The following TRAPPC9 variants were observed in gnomAD, a reference collection of about 807,000 sequenced individuals.
The protein encoded by TRAPPC9 is IKK2 binding protein.
In TRAPPC9, 83 loss-of-function variants were observed where a neutral mutation model predicts 124.0. That is an observed-to-expected ratio of 0.67 (90% CI 0.56 to 0.80). TRAPPC9 has a LOEUF of 0.80. Ranked by LOEUF, TRAPPC9 falls within the 30% of genes least tolerant of loss-of-function variation. The pLI, the probability that TRAPPC9 is intolerant of heterozygous loss-of-function variation, is 0.00. For missense variants in TRAPPC9, 1,302 were observed against 1,508.3 expected (o/e 0.86, Z 2.27); for synonymous variants, 638 against 617.5 (o/e 1.03, Z -0.49).
intron 17 of TRAPPC9, among the ~76,000 whole-genome samples, chr8:140,050,778 A>G (rs1342548924): frequency 3.3e-5 from 5 of 152,136 alleles, no homozygotes; most frequent in Admixed American, 3.3e-4. Flanking sequence ...GAAACACCAG[A>G]TGGGAACAAC....
chr8:140,127,217 C>A (rs968266239), intron 17 of TRAPPC9, among the ~76,000 whole-genome samples: 1 of 152,164 alleles, frequency 6.6e-6, no homozygotes, highest in Admixed American at 6.5e-5. Context: ...TTGGAACAAA[C>A]AAGGATCTGG....
At chr8:139,968,292 C>T (rs377406246) in intron 19 of TRAPPC9, among the ~76,000 whole-genome samples, 4 of 152,218 alleles carry the variant, frequency 2.6e-5, no homozygotes, top group African/African-American at 7.2e-5. Flanking sequence ...CCATGTTTAG[C>T]TGCCTATTAT....
intron 13 of TRAPPC9, among the ~76,000 whole-genome samples, chr8:140,284,282 A>C (rs183072339): frequency 3.9e-5 from 6 of 152,356 alleles, no homozygotes; most frequent in Non-Finnish European, 8.8e-5. Context: ...ATATATGTGA[A>C]GGTCCTTGTA....
chr8:140,085,698 T>C (rs890987648), intron 17 of TRAPPC9, among the ~76,000 whole-genome samples: 2 of 152,176 alleles, frequency 1.3e-5, no homozygotes, highest in Non-Finnish European at 2.9e-5. Flanking sequence ...GGGCAAGTCA[T>C]GGACGGCAGC....
intron 9 of TRAPPC9, among the ~76,000 whole-genome samples, chr8:140,346,364 C>A (rs2067349087): frequency 6.6e-6 from 1 of 152,180 alleles, no homozygotes; most frequent in Non-Finnish European, 1.5e-5. Context: ...CAAATACCTG[C>A]AGAAAGGATG....
intron 21 of TRAPPC9, among the ~76,000 whole-genome samples, chr8:139,785,612 C>G (rs1822175663): frequency 6.6e-6 from 1 of 151,202 alleles, no homozygotes. Flanking sequence ...ACCTGCAGTA[C>G]CAGCTACTCG....
intron 21 of TRAPPC9, among the ~76,000 whole-genome samples, chr8:139,845,332 C>T (rs1827004582): frequency 6.6e-6 from 1 of 152,168 alleles, no homozygotes; most frequent in Non-Finnish European, 1.5e-5. Context: ...GCCTGTGCTC[C>T]ACTGCATTCC....
chr8:140,004,398 C>T (rs374507424), intron 18 of TRAPPC9, among the ~76,000 whole-genome samples: 18 of 152,128 alleles, frequency 1.2e-4, no homozygotes, highest in East Asian at 3.8e-4. Context: ...ACAAACATCA[C>T]GATGAGTTTG....
intron 21 of TRAPPC9, among the ~76,000 whole-genome samples, chr8:139,755,740 G>T (rs1432784626): frequency 1.5e-5 from 2 of 137,256 alleles, no homozygotes; most frequent in African/African-American, 5.6e-5. Context: ...TTGGGGATGA[G>T]GACAGCAGGT....
chr8:139,991,581 T>A (rs1837646892), intron 18 of TRAPPC9, among the ~76,000 whole-genome samples: 1 of 144,100 alleles, frequency 6.9e-6, no homozygotes, highest in South Asian at 2.3e-4. Flanking sequence ...GTTTGCTTTT[T>A]GGGTTTGTTT....
At chr8:140,315,008 C>G (rs1291833091) in intron 9 of TRAPPC9, among the ~76,000 whole-genome samples, 1 of 152,176 alleles carries the variant, frequency 6.6e-6, no homozygotes, top group African/African-American at 2.4e-5. Context: ...TTTTGAGGAA[C>G]CTCCATACTG....
rs1039070130 is a variant in TRAPPC9, at chr8:140,377,884, C to T, written c.1135-6704G>A. Among the ~76,000 whole-genome samples, 8 of 151,872 alleles carry T rather than the reference C, an allele frequency of 5.3e-5. No homozygotes were observed. In the East Asian group the frequency reaches 1.5e-3, roughly 29 times the overall value. On this transcript the variant is annotated intron_variant, in intron 7 of 22. Coordinates refer to ENST00000438773, the MANE Select transcript of TRAPPC9 (RefSeq NM_001160372.4). ...CTGAGGCAGGTGAATCGCTTGAACC[C>T]GGGGGGCAGAGGTTGCAGTGAGCCA...
At chr8:139,761,930 CAGA>C (rs1820259223) in intron 21 of TRAPPC9, among the ~76,000 whole-genome samples, 1 of 151,712 alleles carries the variant, frequency 6.6e-6, no homozygotes. Context: ...GTGCTCAGTT[CAGA>C]AGAAGATTCT....
intron 11 of TRAPPC9, among the ~76,000 whole-genome samples, chr8:140,292,361 G>C (rs559480480): frequency 6.6e-6 from 1 of 152,208 alleles, no homozygotes; most frequent in Admixed American, 6.5e-5. Flanking sequence ...CACAGCAAGC[G>C]AGAGGAGCTG....
intron 21 of TRAPPC9, among the ~76,000 whole-genome samples, chr8:139,836,155 C>T (rs1018123052): frequency 1.3e-5 from 2 of 152,154 alleles, no homozygotes; most frequent in Non-Finnish European, 2.9e-5. Context: ...ATTACAGGCA[C>T]CCACCGCCAC....
At chr8:140,194,834 C>T (rs2062598373) in intron 17 of TRAPPC9, among the ~76,000 whole-genome samples, 2 of 152,234 alleles carry the variant, frequency 1.3e-5, no homozygotes, top group South Asian at 2.1e-4. Context: ...CAGCTCACAC[C>T]TCTGACCACT....
chr8:140,454,660 ACAC>A (rs2071589239), intron 1 of TRAPPC9, among the ~76,000 whole-genome samples: 1 of 121,532 alleles, frequency 8.2e-6, no homozygotes, highest in Non-Finnish European at 1.8e-5. Context: ...AAAAAAAAAA[ACAC>A]AACCTGACCT....
At chr8:140,228,597 C>T (rs2063507738) in intron 16 of TRAPPC9, among the ~76,000 whole-genome samples, 1 of 152,246 alleles carries the variant, frequency 6.6e-6, no homozygotes, top group African/African-American at 2.4e-5. Flanking sequence ...CTGTTGGATG[C>T]TCCCTGCAGT....
chr8:140,079,626 T>G (rs529405354), intron 17 of TRAPPC9, among the ~76,000 whole-genome samples: 4 of 152,280 alleles, frequency 2.6e-5, no homozygotes, highest in Admixed American at 2.6e-4. Context: ...AAACGTCTAA[T>G]TGTGCATAAT....
Sources: gnomAD v4.1 joint callset for allele counts (sites outside exome capture counted in the v4.1 genomes callset) on GRCh38, gnomAD v4.1.1 for gene constraint, MANE v1.5 for transcripts, NCBI Gene and HGNC (gene_info 2026-07-23, HGNC 2026-07-21) for gene names.